Variants in OSBPL11 observed in about 807,000 individuals in gnomAD.
OSBPL11 encodes the protein oxysterol-binding protein-related protein 11.
Under a neutral mutation model 84.4 loss-of-function variants are expected in OSBPL11, and 33 were observed. That is an observed-to-expected ratio of 0.39 (90% confidence interval 0.30 to 0.52). The LOEUF is 0.52. Ranked by LOEUF, OSBPL11 falls within the 20% of genes least tolerant of loss-of-function variation. The pLI is 0.72. For missense variants in OSBPL11, 736 were observed against 901.1 expected, an observed-to-expected ratio of 0.82 and a Z score of 2.35; for synonymous variants, 276 against 310.2, an observed-to-expected ratio of 0.89 and a Z score of 1.16.
chr3:125,563,901 A>G, intron 6 of OSBPL11, 58 bp from the exon 7 acceptor site: 2 of 1,591,332 alleles, frequency 1.3e-6, no homozygotes, highest in South Asian at 1.1e-5. Flanking sequence ...AAAGTTCGGC[A>G]GATGTGGATT....
At chr3:125,571,150 G>C (rs967928322) in intron 5 of OSBPL11, among the ~76,000 whole-genome samples, 1 of 152,190 alleles carries the variant, frequency 6.6e-6, no homozygotes, top group Non-Finnish European at 1.5e-5. Flanking sequence ...CTCTTGTTAG[G>C]TTTTAGCAAA....
At chr3:125,563,966 A>C (rs1215175181) in intron 6 of OSBPL11, 123 bp from the exon 7 acceptor site, 34 of 1,004,512 alleles carry the variant, frequency 3.4e-5, no homozygotes, top group Non-Finnish European at 4.7e-5. Flanking sequence ...CTGTTAAGAG[A>C]CCCTGCAAGA....
At chr3:125,558,432 T>C (rs562022212) in intron 8 of OSBPL11, among the ~76,000 whole-genome samples, 1 of 152,352 alleles carries the variant, frequency 6.6e-6, no homozygotes, top group South Asian at 2.1e-4. Context: ...GCTATATAAA[T>C]AATGAAAGCT....
At chr3:125,591,703 G>A (rs1224863678) in intron 1 of OSBPL11, among the ~76,000 whole-genome samples, 1 of 152,164 alleles carries the variant, frequency 6.6e-6, no homozygotes, top group Non-Finnish European at 1.5e-5. Context: ...AATAAATGCT[G>A]CTAATATATT....
intron 12 of OSBPL11, among the ~76,000 whole-genome samples, chr3:125,531,134 A>G (rs1439696430): frequency 6.6e-6 from 1 of 150,852 alleles, no homozygotes; most frequent in Non-Finnish European, 1.5e-5. Context: ...GGCACGTGCC[A>G]TACCCGGCTA....
intron 6 of OSBPL11, among the ~76,000 whole-genome samples, chr3:125,566,942 C>A (rs1580053762): frequency 6.6e-6 from 1 of 152,182 alleles, no homozygotes; most frequent in East Asian, 1.9e-4. Context: ...GCCACCTCGC[C>A]TAGCTACAGA....
rs905549180 is a variant in OSBPL11, at chr3:125,536,116, C to T, written c.2024+2335G>A. Among the ~76,000 whole-genome samples, 12 of 132,158 alleles carry T rather than the reference C, an allele frequency of 9.1e-5. No homozygotes were observed. In the East Asian group the frequency reaches 2.3e-3, roughly 25 times the overall value. The allele number at this position is 132,158 out of a possible 152,430, so 86.7% of individuals were successfully genotyped here. On this transcript the variant is annotated intron_variant, in intron 11 of 12. Coordinates refer to ENST00000296220, the MANE Select transcript of OSBPL11 (RefSeq NM_022776.5). Reference sequence around the variant, plus strand: ...TGCCACTGCACTCCAACTTAGGTGACAGAGTGAGTCCATCTCAAAAAAAAA... The same window carrying T: ...TGCCACTGCACTCCAACTTAGGTGATAGAGTGAGTCCATCTCAAAAAAAAA...
chr3:125,542,773 G>A (rs1935751797), intron 10 of OSBPL11, among the ~76,000 whole-genome samples: 1 of 152,084 alleles, frequency 6.6e-6, no homozygotes. Flanking sequence ...GCCTGACAAA[G>A]TTCTGGGATT....
intron 5 of OSBPL11, among the ~76,000 whole-genome samples, chr3:125,573,209 A>T (rs1364305941): frequency 2.0e-5 from 3 of 148,260 alleles, no homozygotes; most frequent in Admixed American, 6.8e-5. Context: ...AGTTCCTTTT[A>T]AAAAAAAAAG....
At chr3:125,535,531 C>A (rs921525215) in intron 11 of OSBPL11, among the ~76,000 whole-genome samples, 2 of 150,074 alleles carry the variant, frequency 1.3e-5, no homozygotes. Flanking sequence ...GCAACCTCCA[C>A]CTCCTGGGTT....
At chr3:125,531,377 C>T (rs147682233) in intron 12 of OSBPL11, among the ~76,000 whole-genome samples, 135 of 151,290 alleles carry the variant, frequency 8.9e-4, no homozygotes, top group African/African-American at 3.0e-3. Flanking sequence ...CTGCAACCTC[C>T]GCCTCCTGGG....
Position 125,552,340 on chromosome 3 carries a change from A to C in OSBPL11, c.1495T>G (p.Cys499Gly). 1 of 1,614,110 alleles carries C rather than the reference A, an allele frequency of 6.2e-7. No individual in the cohort carries two copies. Among genetic ancestry groups the C allele is most frequent in the Non-Finnish European group, 8.5e-7 (1 of 1,180,034 alleles). ...GESLTQVGSDCYTVRFVAEQV... is the reference protein window; with the variant it reads ...GESLTQVGSDGYTVRFVAEQV... ...TCAGCAACAAATCTGACTGTGTAAC[A>C]GTCTGATCCCACCTGGGTCAAAGAC... Residue 499 changes from cysteine to glycine, a missense_variant, in exon 9 of 13, where the codon TGT becomes GGT. Around this residue, in one of 3 missense-constraint regions of OSBPL11, gnomAD observed 579 missense variants for 717.6 expected, o/e 0.81. Coordinates refer to ENST00000296220, the MANE Select transcript of OSBPL11 (RefSeq NM_022776.5).
intron 10 of OSBPL11, among the ~76,000 whole-genome samples, chr3:125,541,872 C>G (rs369279624): frequency 6.6e-6 from 1 of 152,264 alleles, no homozygotes; most frequent in African/African-American, 2.4e-5. Context: ...TGTGAGCCAC[C>G]GTACCCGGCC....
At chr3:125,540,542 A>G (rs1449572621) in intron 10 of OSBPL11, among the ~76,000 whole-genome samples, 7 of 152,076 alleles carry the variant, frequency 4.6e-5, no homozygotes, top group African/African-American at 7.2e-5. Flanking sequence ...CTCTGATCCC[A>G]CTTGCCAACA....
At chr3:125,552,757 A>C in intron 8 of OSBPL11, 78 bp from the exon 9 acceptor site, 1 of 1,457,010 alleles carries the variant, frequency 6.9e-7, no homozygotes, top group Non-Finnish European at 9.3e-7. Flanking sequence ...TCTCTCTGAA[A>C]ACATTTCATT....
At position 125,594,714 on chromosome 3, in the gene OSBPL11, G is replaced by T; in HGVS notation, c.87C>A (p.Asn29Lys). The T allele has an allele frequency of 1.2e-6, 2 of 1,614,164 alleles. No individual in the cohort carries two copies. The highest frequency in any genetic ancestry group is 2.2e-5 in the South Asian group (2 of 91,080). Residue 29 changes from asparagine to lysine, a missense_variant, in exon 1 of 13, where the codon AAC becomes AAA. By Grantham distance (94) the Asn-to-Lys change is moderately conservative. This residue lies in a region of OSBPL11 where 114 missense variants were observed against 104.9 expected (regional missense o/e 1.09). Transcript: ENST00000296220. Reference sequence around the variant, plus strand: ...TTCCACCTCCACAGCTGCTGTTCTTGTTCGGGGTCACCGCTGTGGCCTGGC... The same window carrying T: ...TTCCACCTCCACAGCTGCTGTTCTTTTTCGGGGTCACCGCTGTGGCCTGGC... Reference protein sequence around the residue: ...LEGQATAVTPNKNSSCGGGIS... With the variant: ...LEGQATAVTPKKNSSCGGGIS...
chr3:125,546,115 T>C (rs1935808642), intron 10 of OSBPL11, among the ~76,000 whole-genome samples: 2 of 148,264 alleles, frequency 1.3e-5, no homozygotes, highest in Admixed American at 1.3e-4. Flanking sequence ...AGGGAGATCC[T>C]GTCTCTTAAA....
intron 8 of OSBPL11, among the ~76,000 whole-genome samples, chr3:125,554,892 A>AAAAC (rs891624205): frequency 2.4e-4 from 36 of 152,280 alleles, no homozygotes; most frequent in African/African-American, 4.3e-4. Flanking sequence ...GATTTCAGAG[A>AAAAC]AAACAAACAA....
intron 6 of OSBPL11, among the ~76,000 whole-genome samples, chr3:125,566,240 A>G (rs1936155602): frequency 6.6e-6 from 1 of 152,146 alleles, no homozygotes; most frequent in African/African-American, 2.4e-5. Flanking sequence ...TCCTGACCTT[A>G]GGTGACCCGC....
Sources: gnomAD v4.1 joint callset for allele counts (sites outside exome capture counted in the v4.1 genomes callset) on GRCh38, gnomAD v4.1.1 for gene constraint, gnomAD v4.1.1 regional missense constraint, MANE v1.5 for transcripts, NCBI Gene and HGNC (gene_info 2026-07-23, HGNC 2026-07-21) for gene names.